ABLIM2: variants seen among roughly 807,000 people sequenced by gnomAD.
The protein encoded by ABLIM2 is actin binding LIM protein family member 2, also known as actin-binding LIM protein 2.
In ABLIM2, 53 loss-of-function variants were observed where a neutral mutation model predicts 97.7. The observed-to-expected ratio is 0.54, with a 90% CI of 0.44 to 0.68. The LOEUF (loss-of-function observed/expected upper bound fraction) is 0.68. ABLIM2 is among the 30% of genes least tolerant of loss of function. The probability of loss-of-function intolerance (pLI) is 0.00; values close to 1 mark genes in which losing one functional copy is unlikely to be tolerated. For synonymous variants in ABLIM2, 361 were observed against 345.8 expected (o/e 1.04, Z -0.49); for missense variants, 835 against 867.2 (o/e 0.96, Z 0.47).
intron 16 of ABLIM2, among the ~76,000 whole-genome samples, chr4:7,995,689 C>G (rs1752806275): frequency 6.6e-6 from 1 of 152,210 alleles, no homozygotes; most frequent in Non-Finnish European, 1.5e-5. Flanking sequence ...ACATCAAGAT[C>G]AAGGTCCTCA....
At chr4:8,111,720 G>C in intron 1 of ABLIM2, among the ~76,000 whole-genome samples, 1 of 152,172 alleles carries the variant, frequency 6.6e-6, no homozygotes, top group East Asian at 1.9e-4. Flanking sequence ...GAGGTCAGGA[G>C]TTTGAGATCA....
At position 8,015,860 on chromosome 4, in the gene ABLIM2, T is replaced by TTTTA. The variant is rs568989580; in HGVS notation, c.1423+3754_1423+3757dup. Among the ~76,000 whole-genome samples, 1 of 152,156 alleles carries TTTTA rather than the reference T, an allele frequency of 6.6e-6. No homozygotes were observed. The highest frequency in any genetic ancestry group is 2.4e-5 in the African/African-American group (1 of 41,436). On this transcript the variant is annotated intron_variant, in intron 14 of 20. Transcript: ENST00000447017. This position sits in a 1 kb window ranked among gnomAD's most constrained non-coding sequence, Gnocchi z 4.6. Reference sequence around the variant, plus strand: ...CCATCATTTTTCCCTCATGAAATCCTTTTATTTATTTATTTTTATTTTTGA... The same window carrying TTTTA: ...CCATCATTTTTCCCTCATGAAATCCTTTTATTTATTTATTTATTTTTATTTTTGA...
At position 8,071,359 on chromosome 4, in the gene ABLIM2, A is replaced by G. The variant is rs1340008496; in HGVS notation, c.675+6269T>C. Among the ~76,000 whole-genome samples the G allele has an allele frequency of 6.6e-6, 1 of 152,132 alleles. No individual in the cohort carries two copies. The highest frequency in any genetic ancestry group is 1.5e-5 in the Non-Finnish European group (1 of 68,018). On this transcript the variant is annotated intron_variant, in intron 6 of 20. Transcript: ENST00000447017. The surrounding 1 kb of genome is among the most constrained non-coding windows in gnomAD (Gnocchi z 6.2). ...CCGGCTCATCAGGACAGACACCCAG[A>G]GATGGGTGGGATGCAGGCCAACATG...
intron 20 of ABLIM2, among the ~76,000 whole-genome samples, chr4:7,981,136 G>GGTTTCACCAT (rs1310079136): frequency 1.3e-5 from 2 of 151,250 alleles, no homozygotes; most frequent in Non-Finnish European, 2.9e-5. Flanking sequence ...GTAGAGATGG[G>GGTTTCACCAT]GTTTCACCAT....
chr4:8,082,854 G>A lies in ABLIM2; in HGVS notation c.455-2052C>T, dbSNP rs1159992285. Among the ~76,000 whole-genome samples the A allele has an allele frequency of 2.0e-5, 3 of 152,210 alleles. No individual in the cohort carries two copies. In the East Asian group the frequency reaches 5.8e-4, roughly 29 times the overall value. On this transcript the variant is annotated intron_variant, in intron 4 of 20. Transcript: ENST00000447017. This position sits in a 1 kb window ranked among gnomAD's most constrained non-coding sequence, Gnocchi z 5.6. ...CTGCCGCGCTCCTTCCTGTGTCTCT[G>A]CAGAGTCAGACGACGCACAGCCCTG...
rs1034566998 is a variant in ABLIM2, at chr4:8,005,228, C to A, written c.1618+2831G>T. On this transcript the variant is annotated intron_variant, in intron 16 of 20. Coordinates refer to ENST00000447017, the MANE Select transcript of ABLIM2 (RefSeq NM_001130083.2). The surrounding 1 kb of genome is among the most constrained non-coding windows in gnomAD (Gnocchi z 4.9). The stretch of plus-strand genomic sequence containing the variant: ...GTCGGCGTCTCTGCCTCTCTCAGCT[C>A]CCTGCACGCTTCTCCAGGTCAGGGG... The A allele has an allele frequency of 2.0e-6, 1 of 490,876 alleles. No individual in the cohort carries two copies. The highest frequency in any genetic ancestry group is 4.3e-6 in the Non-Finnish European group (1 of 234,980). The allele number at this position is 490,876 out of a possible 1,614,324, so 30.4% of individuals were successfully genotyped here.
Position 7,982,983 on chromosome 4 carries a change from G to A in ABLIM2, c.1824+281C>T, listed in dbSNP as rs144482708. Among the ~76,000 whole-genome samples, 436 of 152,322 alleles carry A rather than the reference G, an allele frequency of 2.9e-3. 2 individuals are homozygous for A. Among genetic ancestry groups the A allele is most frequent in the African/African-American group, 9.8e-3 (408 of 41,566 alleles). Reference sequence around the variant, plus strand: ...CTCCCAAAGTGCTGGGATTACAGGCGTGAGCCACTGTGCCCAGCCCAGAGC... The same window carrying A: ...CTCCCAAAGTGCTGGGATTACAGGCATGAGCCACTGTGCCCAGCCCAGAGC... On this transcript the variant is annotated intron_variant, in intron 20 of 20. Transcript: ENST00000447017.
intron 3 of ABLIM2, among the ~76,000 whole-genome samples, chr4:8,089,541 C>T (rs1334316144): frequency 1.3e-5 from 2 of 151,934 alleles, no homozygotes; most frequent in Non-Finnish European, 2.9e-5. Context: ...TTGAGACCAG[C>T]CTGGCCAGTG....
chr4:8,118,250 G>T (rs1843667663), intron 1 of ABLIM2, among the ~76,000 whole-genome samples: 1 of 152,166 alleles, frequency 6.6e-6, no homozygotes, highest in Non-Finnish European at 1.5e-5. Context: ...CTGCCATCTG[G>T]GGAGACGCCA....
intron 20 of ABLIM2, among the ~76,000 whole-genome samples, chr4:7,969,166 C>CA (rs1725498397): frequency 1.3e-5 from 2 of 150,680 alleles, no homozygotes; most frequent in African/African-American, 4.9e-5. Flanking sequence ...TTAAAATGGT[C>CA]AATTTGGATG....
chr4:8,028,007 T>A (rs1778500412), intron 11 of ABLIM2, 150 bp from the exon 12 acceptor site: 2 of 553,534 alleles, frequency 3.6e-6, no homozygotes, highest in East Asian at 3.5e-5. Flanking sequence ...TCACCAAACA[T>A]GCTTTAGACC....
chr4:8,042,388 C>T (rs1789291469), intron 9 of ABLIM2, among the ~76,000 whole-genome samples: 1 of 152,182 alleles, frequency 6.6e-6, no homozygotes, highest in African/African-American at 2.4e-5. Flanking sequence ...CCTAAGACCC[C>T]CTGTGCCCTA....
At chr4:7,976,661 C>T (rs1005022547) in intron 20 of ABLIM2, among the ~76,000 whole-genome samples, 1 of 152,110 alleles carries the variant, frequency 6.6e-6, no homozygotes, top group Non-Finnish European at 1.5e-5. Flanking sequence ...TCATCTTACA[C>T]AACACATGCA....
At chr4:8,010,706 G>T in intron 14 of ABLIM2, 1 of 585,446 alleles carries the variant, frequency 1.7e-6, no homozygotes, top group Non-Finnish European at 2.2e-6. Context: ...ACTCACAGAG[G>T]CAAATCAACG....
In ABLIM2 at chr4:8,151,762, G is replaced by C. The variant is rs1289425854; in HGVS notation, c.10+6918C>G. The stretch of plus-strand genomic sequence containing the variant: ...AAGGTCACAGAGGTCCAGGCGAGGG[G>C]CTGGAGACGCTGCTGGGCTGGGCTG... On this transcript the variant is annotated intron_variant, in intron 1 of 20. Coordinates refer to ENST00000447017, the MANE Select transcript of ABLIM2 (RefSeq NM_001130083.2). Among the ~76,000 whole-genome samples the C allele has an allele frequency of 2.0e-5, 3 of 151,876 alleles. No individual in the cohort carries two copies. The East Asian group carries it at 5.8e-4, about 29-fold the overall frequency.
chr4:8,036,122 C>T (rs773222696), intron 10 of ABLIM2, 27 bp downstream of exon 10: 4 of 1,611,818 alleles, frequency 2.5e-6, no homozygotes, highest in Admixed American at 3.3e-5. Flanking sequence ...ACACAGGTGT[C>T]CAGGGCCATG....
chr4:8,021,796 G>A lies in ABLIM2; in HGVS notation c.1268-1493C>T, dbSNP rs759707458. ...AGGCTCTAACTTTGAGCATTTTCTC[G>A]TGCTTGGGCATGGGTGCTGATTTTG... is the stretch of plus-strand genomic sequence containing the variant. On this transcript the variant is annotated intron_variant, in intron 12 of 20. Coordinates refer to ENST00000447017, the MANE Select transcript of ABLIM2 (RefSeq NM_001130083.2). The surrounding 1 kb of genome is among the most constrained non-coding windows in gnomAD (Gnocchi z 5.5). Among the ~76,000 whole-genome samples the A allele has an allele frequency of 5.9e-5, 9 of 152,224 alleles. No homozygotes were observed. The highest frequency in any genetic ancestry group is 1.7e-4 in the African/African-American group (7 of 41,470).
intron 1 of ABLIM2, among the ~76,000 whole-genome samples, chr4:8,110,479 ATCT>A (rs1350804772): frequency 1.3e-5 from 2 of 152,066 alleles, no homozygotes; most frequent in African/African-American, 2.4e-5. Context: ...CCAGGCATCC[ATCT>A]TCTTCTTGTG....
intron 6 of ABLIM2, among the ~76,000 whole-genome samples, chr4:8,065,884 A>C (rs1806818022): frequency 6.6e-6 from 1 of 150,586 alleles, no homozygotes; most frequent in East Asian, 2.0e-4. Flanking sequence ...AGATCGCGCC[A>C]CTGTACTCCA....
Sources: gnomAD v4.1 joint callset for allele counts (sites outside exome capture counted in the v4.1 genomes callset) on GRCh38, gnomAD v4.1.1 for gene constraint, Gnocchi (gnomAD v3.1) non-coding constraint, MANE v1.5 for transcripts, NCBI Gene and HGNC (gene_info 2026-07-23, HGNC 2026-07-21) for gene names.